NDUFA10: variants seen among roughly 807,000 people sequenced by gnomAD.
The protein encoded by NDUFA10 is NADH dehydrogenase [ubiquinone] 1 alpha subcomplex subunit 10, mitochondrial.
A neutral mutation model predicts 47.8 loss-of-function variants in NDUFA10; 40 were observed. The ratio of observed to expected loss-of-function variants is 0.84; its 90% CI spans 0.65 to 1.09. The LOEUF is 1.09. Ranked by LOEUF, NDUFA10 falls within the 50% of genes least tolerant of loss-of-function variation. The pLI is 0.00. For synonymous variants in NDUFA10, 183 were observed against 172.2 expected (o/e 1.06, Z -0.49); for missense variants, 413 against 451.1 (o/e 0.92, Z 0.76).
Position 239,960,261 on chromosome 2 carries a change from C to G in NDUFA10, c.*857G>C, listed in dbSNP as rs1303822860. 1.8e-5 allele frequency: 18 copies of G among 985,536 alleles called. No homozygotes were observed. The highest frequency in any genetic ancestry group is 2.0e-5 in the Non-Finnish European group (17 of 830,118). The allele number at this position is 985,536 out of a possible 1,614,324, so 61.0% of individuals were successfully genotyped here. ...ACAGCTTGATTCCTAAACCATGATG[C>G]TGAACCACAACCAGCTTGTTTTGGT... On this transcript the variant is annotated 3_prime_UTR_variant, in exon 10 of 10. Transcript: ENST00000252711.
intron 4 of NDUFA10, among the ~76,000 whole-genome samples, chr2:239,899,453 TGGA>T (rs1329331829): frequency 7.0e-6 from 1 of 143,442 alleles, no homozygotes; most frequent in African/African-American, 2.6e-5. Context: ...AGGGTTGTGA[TGGA>T]GGGGTGTGAC....
chr2:240,006,055 T>C (rs1441979728), intron 7 of NDUFA10, among the ~76,000 whole-genome samples: 1 of 152,188 alleles, frequency 6.6e-6, no homozygotes, highest in Non-Finnish European at 1.5e-5. Flanking sequence ...AGTCTGACTT[T>C]CCAGAGGAGT....
intron 9 of NDUFA10, among the ~76,000 whole-genome samples, chr2:239,989,500 C>T (rs1696157229): frequency 6.6e-6 from 1 of 152,264 alleles, no homozygotes; most frequent in South Asian, 2.1e-4. Flanking sequence ...ATTTGCAGTG[C>T]AGGCTGCAAC....
At chr2:239,911,180 T>G (rs28519523) in intron 4 of NDUFA10, among the ~76,000 whole-genome samples, 29,884 of 152,164 alleles carry the variant, frequency 0.2, 4,175 homozygotes, top group African/African-American at 0.38. Context: ...GCAACACCAC[T>G]TACTACTGTC....
At position 239,997,222 on chromosome 2, in the gene NDUFA10, C is replaced by G. The variant is rs189466222; in HGVS notation, c.891-7040G>C. Among the ~76,000 whole-genome samples the G allele has an allele frequency of 2.6e-5, 4 of 151,660 alleles. No homozygotes were observed. The East Asian group carries it at 7.8e-4, about 29-fold the overall frequency. ...TCTATAGAAAAAGAACAAGTGAAGC[C>G]TAAAGAAAGCAGAGAAAAAATAATA... is the stretch of plus-strand genomic sequence containing the variant. On this transcript the variant is annotated intron_variant, in intron 8 of 9. Transcript: ENST00000252711.
chr2:240,025,174 G>T, intron 1 of NDUFA10, 53 bp downstream of exon 1: 1 of 342,180 alleles, frequency 2.9e-6, no homozygotes, highest in Non-Finnish European at 4.1e-6. Context: ...TCCCCACCCC[G>T]CCACCCCGCC....
downstream of NDUFA10, among the ~76,000 whole-genome samples, chr2:239,956,238 C>T (rs1694650473): frequency 6.6e-6 from 1 of 152,140 alleles, no homozygotes; most frequent in Non-Finnish European, 1.5e-5. Flanking sequence ...TCATCCCCAC[C>T]ATACATGCAA....
Position 239,959,255 on chromosome 2 carries a change from A to G in NDUFA10, c.*1863T>C. 1.0e-6 allele frequency: 1 copy of G among 985,464 alleles called. No homozygotes were observed. Among genetic ancestry groups the G allele is most frequent in the South Asian group, 4.7e-5 (1 of 21,286 alleles). 61.0% of individuals were successfully genotyped at this position (985,464 alleles called of 1,614,324 possible). A position where few individuals can be genotyped will look rare whatever the true frequency, so the allele number is the denominator to read the frequency against. On this transcript the variant is annotated 3_prime_UTR_variant, in exon 10 of 10. Transcript: ENST00000252711. Reference sequence around the variant, plus strand: ...ACACCATGCCGACACGGAGCCCTGCATGGTTGGAGAGCTCTGCCCCTCACA... The same window carrying G: ...ACACCATGCCGACACGGAGCCCTGCGTGGTTGGAGAGCTCTGCCCCTCACA...
At chr2:239,893,314 C>A (rs1233301056) in intron 5 of NDUFA10, among the ~76,000 whole-genome samples, 1 of 152,142 alleles carries the variant, frequency 6.6e-6, no homozygotes, top group Non-Finnish European at 1.5e-5. Flanking sequence ...CAGCGTGGAC[C>A]ATGTGCCCAC....
At chr2:239,963,484 G>A (rs1007620169) in intron 9 of NDUFA10, among the ~76,000 whole-genome samples, 1 of 152,234 alleles carries the variant, frequency 6.6e-6, no homozygotes, top group Admixed American at 6.5e-5. Context: ...CAGACGGGCT[G>A]TAGGTGCTAT....
At chr2:239,952,993 G>A (rs1363795808), downstream of NDUFA10, among the ~76,000 whole-genome samples, 1 of 152,232 alleles carries the variant, frequency 6.6e-6, no homozygotes, top group Non-Finnish European at 1.5e-5. Flanking sequence ...AGGGCCTGTG[G>A]CTGCCAGTCT....
chr2:240,018,672 TCAGA>T (rs1289021961), intron 3 of NDUFA10, 33 bp from the exon 4 acceptor site: 4 of 1,609,002 alleles, frequency 2.5e-6, no homozygotes, highest in South Asian at 2.2e-5. Flanking sequence ...AAATTGAAAA[TCAGA>T]CAGATAGCAA....
intron 4 of NDUFA10, among the ~76,000 whole-genome samples, chr2:239,948,423 G>A (rs1694493181): frequency 6.6e-6 from 1 of 152,222 alleles, no homozygotes; most frequent in Non-Finnish European, 1.5e-5. Flanking sequence ...CGCTCCATGA[G>A]TGGCGACGGA....
At chr2:239,996,335 G>A (rs1299847959) in intron 8 of NDUFA10, among the ~76,000 whole-genome samples, 4 of 152,152 alleles carry the variant, frequency 2.6e-5, no homozygotes, top group South Asian at 2.1e-4. Context: ...ATCATACACA[G>A]TGTATTCTCA....
In NDUFA10 at chr2:239,990,175, C is replaced by T; in HGVS notation, c.898G>A (p.Asp300Asn). 2 of 1,611,566 alleles carry T rather than the reference C, an allele frequency of 1.2e-6. No individual in the cohort carries two copies. The highest frequency in any genetic ancestry group is 1.3e-5 in the African/African-American group (1 of 74,966). ...GTGTAATTCAGCACCTCAAACTTAT[C>T]CTGAACCCTAAAAAATAAGACACAT... is the stretch of plus-strand genomic sequence containing the variant. ...TLYHLRLLVQDKFEVLNYTSI... is the reference protein window; with the variant it reads ...TLYHLRLLVQNKFEVLNYTSI... Residue 300 changes from aspartate (D) to asparagine (N), a missense_variant, in exon 9 of 10, where the codon GAT (aspartate) becomes AAT (asparagine). Transcript: ENST00000252711.
rs550270814 is a variant in NDUFA10 at position 239,927,782 on chromosome 2, G to A, written c.295-32468C>T. Among the ~76,000 whole-genome samples the A allele has an allele frequency of 4.6e-5, 7 of 152,284 alleles. No individual in the cohort carries two copies. In the East Asian group the frequency reaches 1.3e-3, roughly 29 times the overall value. On this transcript the variant is annotated intron_variant, in intron 4 of 5. Transcript: ENST00000419408. ...GGGACAGCCTGAGGGAGATTCACAC[G>A]ATGACATCAGCGTGGCAGCCGCCAC...
chr2:239,896,701 T>C (rs557721638), intron 4 of NDUFA10, among the ~76,000 whole-genome samples: 1 of 152,308 alleles, frequency 6.6e-6, no homozygotes, highest in Non-Finnish European at 1.5e-5. Flanking sequence ...GAAGTCTTCT[T>C]AGTTTAGAGT....
chr2:240,017,307 C>G (rs1014495241), intron 4 of NDUFA10, among the ~76,000 whole-genome samples: 1 of 152,202 alleles, frequency 6.6e-6, no homozygotes, highest in Non-Finnish European at 1.5e-5. Flanking sequence ...GCACCCAGCC[C>G]TCACTATAGG....
At chr2:239,983,459 A>G (rs1451670316) in intron 9 of NDUFA10, 5 of 1,522,712 alleles carry the variant, frequency 3.3e-6, no homozygotes, top group African/African-American at 2.8e-5. Flanking sequence ...TCATTTTTTA[A>G]TATCAAGCAA....
Sources: allele counts gnomAD v4.1 joint callset (sites outside exome capture counted in the v4.1 genomes callset), GRCh38; gene constraint gnomAD v4.1.1; transcripts MANE v1.5; gene names NCBI Gene and HGNC (gene_info 2026-07-23, HGNC 2026-07-21).